The following ABTB2 variants were observed in gnomAD, a reference collection of about 807,000 sequenced individuals.
The protein encoded by ABTB2 is ankyrin repeat and BTB/POZ domain-containing protein 2.
In ABTB2, 56 loss-of-function variants were observed where a neutral mutation model predicts 104.1. The observed-to-expected ratio is 0.54, with a 90% CI of 0.43 to 0.67. ABTB2 has a LOEUF of 0.67. Among genes scored for constraint, ABTB2 ranks in the 30% least tolerant of loss-of-function variants. The pLI is 0.00. For missense variants in ABTB2, 1,279 were observed against 1,407.7 expected, an observed-to-expected ratio of 0.91 and a Z score of 1.46; for synonymous variants, 606 against 608.2, an observed-to-expected ratio of 1.00 and a Z score of 0.05.
rs983651357 is a variant in ABTB2 at position 34,357,121 on chromosome 11, G to A, written c.463C>T (p.Arg155Cys). 3 of 1,509,642 alleles carry A rather than the reference G, an allele frequency of 2.0e-6. No individual in the cohort carries two copies. In the African/African-American group the frequency reaches 4.2e-5, roughly 21 times the overall value. 93.5% of individuals were successfully genotyped at this position (1,509,642 alleles called of 1,614,324 possible). The change falls in exon 1 of 17, where the codon CGC becomes TGC. Residue 155 changes from arginine to cysteine, a missense_variant. Physicochemically the swap from Arg to Cys is radical, Grantham distance 180. Coordinates refer to ENST00000435224, the MANE Select transcript of ABTB2 (RefSeq NM_145804.3). ...RLSVLHAKCT[R>C]FEVQSAVRLV... ...CGCACGGCGCTCTGCACCTCAAAGC[G>A]GGTGCACTTGGCGTGCAGCACGCTC...
At chr11:34,260,203 G>A (rs2133074146) in intron 1 of ABTB2, among the ~76,000 whole-genome samples, 1 of 152,328 alleles carries the variant, frequency 6.6e-6, no homozygotes, top group Non-Finnish European at 1.5e-5. Flanking sequence ...GGACAGAAGT[G>A]TACCCACCGT....
intron 1 of ABTB2, among the ~76,000 whole-genome samples, chr11:34,303,375 C>G (rs1224511371): frequency 6.6e-6 from 1 of 152,212 alleles, no homozygotes; most frequent in African/African-American, 2.4e-5. Context: ...TTACTTTACA[C>G]TCTGATAAGA....
At chr11:34,156,114 G>A (rs1852622409) in intron 14 of ABTB2, among the ~76,000 whole-genome samples, 1 of 152,228 alleles carries the variant, frequency 6.6e-6, no homozygotes, top group South Asian at 2.1e-4. Context: ...TCCCTTCCTG[G>A]CCTGGAAGGC....
chr11:34,170,927 C>T lies in ABTB2; in HGVS notation c.1542G>A (p.Gly514=). The T allele has an allele frequency of 6.2e-7, 1 of 1,614,104 alleles. No homozygotes were observed. The highest frequency in any genetic ancestry group is 8.5e-7 in the Non-Finnish European group (1 of 1,179,984). The change falls in exon 5 of 17, where the codon GGG becomes GGA. Residue 514 remains glycine (G), a synonymous_variant. Transcript: ENST00000435224. ...GTACCTGGTCATCCATGGTGTTAAC[C>T]CCATCCGGACCCAAGGCCTCGATGG... ...NQAIEALGPD[G]VNTMDDQGMT...
chr11:34,252,267 G>A lies in ABTB2; in HGVS notation c.884-47577C>T, dbSNP rs952417593. 6.6e-6 allele frequency among the ~76,000 whole-genome samples: 1 copy of A among 152,168 alleles called. No homozygotes were observed. Among genetic ancestry groups the A allele is most frequent in the Non-Finnish European group, 1.5e-5 (1 of 68,012 alleles). On this transcript the variant is annotated intron_variant, in intron 1 of 16. Coordinates refer to ENST00000435224, the MANE Select transcript of ABTB2 (RefSeq NM_145804.3). The surrounding 1 kb of genome is among the most constrained non-coding windows in gnomAD (Gnocchi z 5.5). Reference sequence around the variant, plus strand: ...GTGACAGCGAGGAGGCCAGATGCACGAGCCTCTTCCTGAACCATCGCATCT... The same window carrying A: ...GTGACAGCGAGGAGGCCAGATGCACAAGCCTCTTCCTGAACCATCGCATCT...
intron 1 of ABTB2, among the ~76,000 whole-genome samples, chr11:34,315,811 A>G (rs1046856533): frequency 3.9e-5 from 6 of 152,152 alleles, no homozygotes; most frequent in South Asian, 2.1e-4. Flanking sequence ...GCTGCCTTTC[A>G]TGGCAGGCTC....
intron 1 of ABTB2, among the ~76,000 whole-genome samples, chr11:34,220,537 C>A (rs1255908700): frequency 6.6e-6 from 1 of 152,280 alleles, no homozygotes; most frequent in East Asian, 1.9e-4. Context: ...CAGCAGCAGC[C>A]ACTGTGTAAC....
At chr11:34,323,377 T>C (rs987036312) in intron 1 of ABTB2, among the ~76,000 whole-genome samples, 3 of 152,248 alleles carry the variant, frequency 2.0e-5, no homozygotes, top group Non-Finnish European at 4.4e-5. Context: ...GGTTATTACG[T>C]AAGCCTGTAT....
intron 1 of ABTB2, among the ~76,000 whole-genome samples, chr11:34,222,059 AAAC>A (rs973023088): frequency 2.6e-5 from 4 of 152,306 alleles, no homozygotes; most frequent in East Asian, 1.9e-4. Context: ...AAACAAAACA[AAAC>A]AACAACAACA....
intron 1 of ABTB2, among the ~76,000 whole-genome samples, chr11:34,265,776 C>T (rs771392182): frequency 6.6e-6 from 1 of 151,590 alleles, no homozygotes; most frequent in Non-Finnish European, 1.5e-5. Flanking sequence ...CGAGACCAGC[C>T]TGGCCAACAT....
chr11:34,226,201 C>A, intron 1 of ABTB2, among the ~76,000 whole-genome samples: 2 of 115,758 alleles, frequency 1.7e-5, no homozygotes, highest in African/African-American at 3.4e-5. Context: ...GCTGAGAGTC[C>A]ATTAAAAAAA....
In ABTB2 at chr11:34,304,654, T is replaced by A. The variant is rs893438252; in HGVS notation, c.883+52047A>T. Among the ~76,000 whole-genome samples, 4 of 146,962 alleles carry A rather than the reference T, an allele frequency of 2.7e-5. No homozygotes were observed. In the East Asian group the frequency reaches 6.0e-4, roughly 22 times the overall value. ...GGGCAATATGGGGAGACAAACCACATGAGAAAAGAAAGAGAAGACTAGGAG... is the reference window on the plus strand; with the variant it reads ...GGGCAATATGGGGAGACAAACCACAAGAGAAAAGAAAGAGAAGACTAGGAG... On this transcript the variant is annotated intron_variant, in intron 1 of 16. Coordinates refer to ENST00000435224, the MANE Select transcript of ABTB2 (RefSeq NM_145804.3).
intron 14 of ABTB2, among the ~76,000 whole-genome samples, chr11:34,156,744 G>C (rs752241837): frequency 1.3e-5 from 2 of 152,048 alleles, no homozygotes; most frequent in Non-Finnish European, 2.9e-5. Flanking sequence ...GGCTGGTCTC[G>C]AACTCCCAAC....
chr11:34,177,783 G>A (rs1375750240), intron 3 of ABTB2, among the ~76,000 whole-genome samples: 1 of 152,068 alleles, frequency 6.6e-6, no homozygotes, highest in East Asian at 1.9e-4. Flanking sequence ...TGCCCAGGCT[G>A]GTCTCGACTC....
At chr11:34,244,803 T>C (rs572045532) in intron 1 of ABTB2, among the ~76,000 whole-genome samples, 1 of 152,064 alleles carries the variant, frequency 6.6e-6, no homozygotes, top group African/African-American at 2.4e-5. Context: ...AGCCCAGGAG[T>C]TCGAGACCAG....
At chr11:34,336,834 C>G (rs1211520270) in intron 1 of ABTB2, among the ~76,000 whole-genome samples, 2 of 152,078 alleles carry the variant, frequency 1.3e-5, no homozygotes, top group African/African-American at 4.8e-5. Flanking sequence ...TCATCACCAT[C>G]ATCATGACTA....
intron 1 of ABTB2, among the ~76,000 whole-genome samples, chr11:34,249,393 T>G (rs1456765432): frequency 6.6e-6 from 1 of 152,224 alleles, no homozygotes; most frequent in Non-Finnish European, 1.5e-5. Flanking sequence ...TATCCAGAGC[T>G]GGCTGCAGGT....
chr11:34,292,016 A>T (rs981759603), intron 1 of ABTB2, among the ~76,000 whole-genome samples: 2 of 152,152 alleles, frequency 1.3e-5, no homozygotes, highest in African/African-American at 4.8e-5. Flanking sequence ...AACATAAGCC[A>T]TATATACTAA....
At chr11:34,273,116 T>A (rs999142087) in intron 1 of ABTB2, among the ~76,000 whole-genome samples, 3 of 152,124 alleles carry the variant, frequency 2.0e-5, no homozygotes, top group Non-Finnish European at 4.4e-5. Context: ...TTTTTTAAAT[T>A]TTTTGTTATA....
Sources: allele counts gnomAD v4.1 joint callset (sites outside exome capture counted in the v4.1 genomes callset), GRCh38; gene constraint gnomAD v4.1.1; non-coding constraint Gnocchi (gnomAD v3.1); transcripts MANE v1.5; gene names NCBI Gene and HGNC (gene_info 2026-07-23, HGNC 2026-07-21).